GALNT7: variants seen among roughly 807,000 people sequenced by gnomAD.
GALNT7 encodes polypeptide N-acetylgalactosaminyltransferase 7.
GALNT7 carries 60 observed loss-of-function variants against 82.1 expected under a neutral mutation model. That is an observed-to-expected ratio of 0.73 (90% CI 0.59 to 0.91). The LOEUF is 0.91. GALNT7 is among the 40% of genes least tolerant of loss of function. GALNT7 has a pLI of 0.00. For synonymous variants in GALNT7, 243 were observed against 275.1 expected, an observed-to-expected ratio of 0.88 and a Z score of 1.15; for missense variants, 660 against 804.2, an observed-to-expected ratio of 0.82 and a Z score of 2.17.
chr4:173,246,387 A>C (rs544468790), intron 1 of GALNT7, among the ~76,000 whole-genome samples: 1 of 152,326 alleles, frequency 6.6e-6, no homozygotes, highest in Non-Finnish European at 1.5e-5. Flanking sequence ...TCTTCAAAAA[A>C]AATTATCTTG....
chr4:173,290,363 G>A (rs570076636), intron 2 of GALNT7, among the ~76,000 whole-genome samples: 1 of 152,244 alleles, frequency 6.6e-6, no homozygotes, highest in South Asian at 2.1e-4. Context: ...GCTCACATGG[G>A]AGAAAAGTCT....
intron 1 of GALNT7, among the ~76,000 whole-genome samples, chr4:173,214,170 A>G (rs1052259682): frequency 3.3e-5 from 5 of 152,162 alleles, no homozygotes; most frequent in Admixed American, 1.3e-4. Flanking sequence ...AGACCTAACT[A>G]GAGAAGTGAT....
chr4:173,264,458 G>T (rs1351510753), intron 2 of GALNT7, among the ~76,000 whole-genome samples: 1 of 152,182 alleles, frequency 6.6e-6, no homozygotes, highest in African/African-American at 2.4e-5. Context: ...TGAGCACACA[G>T]TAGGGTTAGA....
intron 2 of GALNT7, among the ~76,000 whole-genome samples, chr4:173,269,855 T>C (rs529791680): frequency 7.2e-5 from 11 of 152,206 alleles, no homozygotes; most frequent in Non-Finnish European, 1.6e-4. Flanking sequence ...TAAAGTCCAA[T>C]TTTATAATCA....
chr4:173,281,776 T>A (rs946228022), intron 2 of GALNT7, among the ~76,000 whole-genome samples: 1 of 152,206 alleles, frequency 6.6e-6, no homozygotes, highest in African/African-American at 2.4e-5. Context: ...CCCTCCAGAT[T>A]TCCTACCTCT....
intron 1 of GALNT7, among the ~76,000 whole-genome samples, chr4:173,209,776 C>T (rs546579011): frequency 5.9e-5 from 9 of 152,300 alleles, no homozygotes; most frequent in East Asian, 3.9e-4. Flanking sequence ...TTTCCGGGTG[C>T]CAGCACAAAG....
intron 6 of GALNT7, among the ~76,000 whole-genome samples, chr4:173,299,559 C>A (rs1279170520): frequency 6.6e-6 from 1 of 152,046 alleles, no homozygotes; most frequent in Non-Finnish European, 1.5e-5. Context: ...GAAAAATAAA[C>A]CCAGCTGCCG....
At chr4:173,215,196 C>G (rs557621955) in intron 1 of GALNT7, among the ~76,000 whole-genome samples, 6 of 151,892 alleles carry the variant, frequency 4.0e-5, no homozygotes, top group African/African-American at 1.4e-4. Flanking sequence ...TTCTGAATAC[C>G]CACTGGCCCC....
chr4:173,170,719 G>A (rs1731832002), intron 1 of GALNT7, among the ~76,000 whole-genome samples: 2 of 152,152 alleles, frequency 1.3e-5, no homozygotes, highest in Non-Finnish European at 2.9e-5. Context: ...TCATCAAATG[G>A]CTTTTTACAT....
At chr4:173,234,631 ATGTC>A (rs1579938541) in intron 1 of GALNT7, among the ~76,000 whole-genome samples, 2 of 152,182 alleles carry the variant, frequency 1.3e-5, no homozygotes, top group South Asian at 2.1e-4. Flanking sequence ...TATAATTTGA[ATGTC>A]TGTCCCCTCA....
Position 173,302,288 on chromosome 4 carries a change from TATAG to T in GALNT7, c.1266+126_1266+129del. 5 of 701,880 alleles carry T rather than the reference TATAG, an allele frequency of 7.1e-6. No homozygotes were observed. The South Asian group carries it at 8.0e-5, about 11-fold the overall frequency. The allele number at this position is 701,880 out of a possible 1,614,324, so 43.5% of individuals were successfully genotyped here. On this transcript the variant is annotated intron_variant, in intron 7 of 11. Transcript: ENST00000265000. This position sits in a 1 kb window ranked among gnomAD's most constrained non-coding sequence, Gnocchi z 4.2. The stretch of plus-strand genomic sequence containing the variant: ...TTATATCATGCATTTCTCCAAATTG[TATAG>T]AATGATTTAATGAAAATGGATGCCT...
At chr4:173,249,769 T>C (rs1734786170) in intron 2 of GALNT7, among the ~76,000 whole-genome samples, 1 of 152,142 alleles carries the variant, frequency 6.6e-6, no homozygotes, top group Non-Finnish European at 1.5e-5. Context: ...TAACTCGGTG[T>C]TCTGTGTTTT....
chr4:173,210,587 G>A (rs1020335521), intron 1 of GALNT7, among the ~76,000 whole-genome samples: 1 of 152,064 alleles, frequency 6.6e-6, no homozygotes, highest in African/African-American at 2.4e-5. Context: ...CCAAGCAGCT[G>A]GGACTACAGG....
At chr4:173,225,964 C>T (rs1409479182) in intron 1 of GALNT7, among the ~76,000 whole-genome samples, 1 of 152,144 alleles carries the variant, frequency 6.6e-6, no homozygotes. Flanking sequence ...CAATTTGGAG[C>T]AAGAGGACTG....
chr4:173,231,529 A>ACATCAT (rs1561164835), intron 1 of GALNT7, among the ~76,000 whole-genome samples: 1 of 152,206 alleles, frequency 6.6e-6, no homozygotes, highest in African/African-American at 2.4e-5. Context: ...TTAATGATGT[A>ACATCAT]TGATCTCCTC....
chr4:173,198,153 G>A (rs1190364022), intron 1 of GALNT7, among the ~76,000 whole-genome samples: 3 of 151,306 alleles, frequency 2.0e-5, no homozygotes, highest in African/African-American at 4.9e-5. Context: ...TCCACCTTCC[G>A]GGTTCACGCC....
intron 1 of GALNT7, among the ~76,000 whole-genome samples, chr4:173,219,130 C>G (rs1357955282): frequency 6.6e-6 from 1 of 152,076 alleles, no homozygotes; most frequent in Admixed American, 6.5e-5. Context: ...TCTCCTCCCT[C>G]CCAGTCTTTC....
chr4:173,278,276 T>C (rs1735987625), intron 2 of GALNT7, among the ~76,000 whole-genome samples: 1 of 152,200 alleles, frequency 6.6e-6, no homozygotes, highest in African/African-American at 2.4e-5. Context: ...TAGCAAGATA[T>C]TTGAGTAAAG....
chr4:173,237,634 G>T (rs1269053440), intron 1 of GALNT7, among the ~76,000 whole-genome samples: 3 of 152,068 alleles, frequency 2.0e-5, no homozygotes, highest in African/African-American at 7.2e-5. Context: ...CACTGGGTTT[G>T]CCAGATGTGA....
Sources: gnomAD v4.1 joint callset for allele counts (sites outside exome capture counted in the v4.1 genomes callset) on GRCh38, gnomAD v4.1.1 for gene constraint, Gnocchi (gnomAD v3.1) non-coding constraint, MANE v1.5 for transcripts, NCBI Gene and HGNC (gene_info 2026-07-23, HGNC 2026-07-21) for gene names.